The following GREB1 variants were observed in gnomAD, a reference collection of about 807,000 sequenced individuals.
GREB1 encodes the protein growth regulating estrogen receptor binding 1.
GREB1 carries 106 observed loss-of-function variants against 200.7 expected under a neutral mutation model. That is an observed-to-expected ratio of 0.53 (90% CI 0.45 to 0.62). The LOEUF (loss-of-function observed/expected upper bound fraction) is 0.62, where lower values mean the gene tolerates loss of function less well. GREB1 is among the 20% of genes least tolerant of loss of function. The pLI is 0.00. For synonymous variants in GREB1, 1,132 were observed against 1,092.4 expected, an observed-to-expected ratio of 1.04 and a Z score of -0.72; for missense variants, 2,243 against 2,556.8, an observed-to-expected ratio of 0.88 and a Z score of 2.65.
chr2:11,635,397 A>G lies in GREB1; in HGVS notation c.5338A>G (p.Thr1780Ala). 6.2e-7 allele frequency: 1 copy of G among 1,609,524 alleles called. No individual in the cohort carries two copies. Among genetic ancestry groups the G allele is most frequent in the South Asian group, 1.1e-5 (1 of 90,132 alleles). ...GGGCGGCCACAGGTCCTTCCACATC[A>G]CATCCAAGGTGAGCTCCTCGCTGCT... ...VVGGHRSFHI[T>A]SKVSDNSAAV... The change falls in exon 30 of 33, where the codon ACA becomes GCA. Residue 1780 changes from threonine (T) to alanine (A), a missense_variant. Thr to Ala is a moderately conservative substitution (Grantham distance 58). Coordinates refer to ENST00000381486, the MANE Select transcript of GREB1 (RefSeq NM_014668.4).
intron 1 of GREB1, among the ~76,000 whole-genome samples, chr2:11,512,240 A>G (rs1285749559): frequency 6.6e-6 from 1 of 152,246 alleles, no homozygotes. Context: ...TTCATTTTAA[A>G]AAGTTGACCA....
In GREB1 at chr2:11,634,145, C is replaced by T. The variant is rs1226250285; in HGVS notation, c.5006C>T (p.Ser1669Leu). ...AGERSREFSWSERNVSLKHIM... is the reference protein window; with the variant it reads ...AGERSREFSWLERNVSLKHIM... ...CCTTGGAGCAGGGAGTTCTCCTGGT[C>T]GGAAAGGAACGTGTCTTTGAAGCAC... Residue 1669 changes from serine to leucine, a missense_variant, in exon 29 of 33, where the codon TCG becomes TTG. Ser to Leu is a moderately radical substitution (Grantham distance 145, BLOSUM62 -2). This residue lies in a region of GREB1 where 478 missense variants were observed against 616.3 expected (regional missense o/e 0.78). Transcript: ENST00000381486. 1.2e-5 allele frequency: 20 copies of T among 1,614,006 alleles called. No homozygotes were observed. Among genetic ancestry groups the T allele is most frequent in the African/African-American group, 4.0e-5 (3 of 74,922 alleles).
intron 13 of GREB1, among the ~76,000 whole-genome samples, chr2:11,596,784 G>A (rs1464599037): frequency 2.3e-5 from 3 of 131,298 alleles, no homozygotes; most frequent in Non-Finnish European, 4.9e-5. Flanking sequence ...AGGGGGGTGG[G>A]GCACTGGTGT....
intron 1 of GREB1, among the ~76,000 whole-genome samples, chr2:11,552,974 C>T (rs908058796): frequency 2.1e-5 from 3 of 144,992 alleles, no homozygotes; most frequent in Non-Finnish European, 4.5e-5. Flanking sequence ...CGCGCCACTG[C>T]ACTCCAGCCT....
chr2:11,519,434 T>C (rs1673627182), intron 1 of GREB1, among the ~76,000 whole-genome samples: 1 of 149,352 alleles, frequency 6.7e-6, no homozygotes, highest in Admixed American at 6.7e-5. Flanking sequence ...TCACATCTTA[T>C]GATTACTTGT....
At chr2:11,490,272 C>T (rs560352438) in intron 1 of GREB1, among the ~76,000 whole-genome samples, 16 of 152,202 alleles carry the variant, frequency 1.1e-4, no homozygotes, top group South Asian at 2.1e-4. Context: ...GGCAGATTTG[C>T]CTATTGTGGA....
chr2:11,618,871 C>A lies in GREB1; in HGVS notation c.3996C>A (p.Arg1332=). ...ACTACGGCAACCGGGCCGAGGGCCG[C>A]GTGGACGGCTTCCACCCCCGCAGGC... ...HMDYGNRAEG[R]VDGFHPRRLL... The change falls in exon 22 of 33, where the codon CGC becomes CGA. Residue 1332 remains arginine (R), a synonymous_variant. Coordinates refer to ENST00000381486, the MANE Select transcript of GREB1 (RefSeq NM_014668.4). The A allele has an allele frequency of 6.3e-7, 1 of 1,575,036 alleles. No individual in the cohort carries two copies. The highest frequency in any genetic ancestry group is 1.3e-5 in the African/African-American group (1 of 74,662).
At chr2:11,514,336 G>GT (rs946135087) in intron 1 of GREB1, among the ~76,000 whole-genome samples, 9 of 79,286 alleles carry the variant, frequency 1.1e-4, no homozygotes, top group Non-Finnish European at 2.4e-4. Flanking sequence ...AATCAGTTAT[G>GT]TTCCAAGTTT....
chr2:11,565,087 G>A (rs544442736), intron 3 of GREB1, among the ~76,000 whole-genome samples: 7 of 152,226 alleles, frequency 4.6e-5, no homozygotes, highest in Non-Finnish European at 7.3e-5. Flanking sequence ...AGCTGTGGGT[G>A]GGGGCACAGC....
At chr2:11,599,348 T>C (rs1681556921) in intron 15 of GREB1, among the ~76,000 whole-genome samples, 1 of 148,648 alleles carries the variant, frequency 6.7e-6, no homozygotes, top group East Asian at 2.0e-4. Context: ...TTTTTTTTTT[T>C]CCTTTTTTTG....
chr2:11,623,481 C>T (rs186476660), intron 23 of GREB1, among the ~76,000 whole-genome samples: 7 of 152,184 alleles, frequency 4.6e-5, no homozygotes, highest in Admixed American at 2.6e-4. Context: ...GTGTTGCTGC[C>T]CCTGAAGACC....
At chr2:11,495,075 C>G (rs917283924) in intron 1 of GREB1, among the ~76,000 whole-genome samples, 4 of 152,160 alleles carry the variant, frequency 2.6e-5, no homozygotes, top group African/African-American at 4.8e-5. Context: ...CCCCCGGTGA[C>G]ATTGATTGGT....
intron 1 of GREB1, among the ~76,000 whole-genome samples, chr2:11,503,602 C>T (rs1034766391): frequency 6.6e-6 from 1 of 152,140 alleles, no homozygotes; most frequent in Admixed American, 6.5e-5. Context: ...GCTAGCGTGG[C>T]CAGACTAATT....
At chr2:11,553,049 T>TG (rs1394836209) in intron 1 of GREB1, among the ~76,000 whole-genome samples, 2 of 151,770 alleles carry the variant, frequency 1.3e-5, no homozygotes, top group African/African-American at 4.9e-5. Context: ...TGAATACTGT[T>TG]GCAATGCCTC....
chr2:11,500,459 A>ATTT (rs5829310), intron 1 of GREB1, among the ~76,000 whole-genome samples: 20 of 141,622 alleles, frequency 1.4e-4, no homozygotes, highest in African/African-American at 5.2e-4. Context: ...GTGCCTGGCC[A>ATTT]TTTTTTTTTT....
At chr2:11,635,514 T>C in intron 30 of GREB1, 109 bp downstream of exon 30, 11 of 1,303,208 alleles carry the variant, frequency 8.4e-6, no homozygotes, top group Non-Finnish European at 1.0e-5. Context: ...TTCAAGCGCA[T>C]GGGGCAGGGC....
At chr2:11,593,709 TC>T (rs1299587252) in intron 11 of GREB1, among the ~76,000 whole-genome samples, 1 of 152,138 alleles carries the variant, frequency 6.6e-6, no homozygotes, top group Non-Finnish European at 1.5e-5. Context: ...GCTCAAGTGA[TC>T]CACCTGCCTA....
At position 11,592,851 on chromosome 2, in the gene GREB1, A is replaced by C; in HGVS notation, c.1421A>C (p.Glu474Ala). ...LRSWRESHLT[E>A]IRQYQQAPPQ... ...TCTTGGCGCGAGTCGCACCTGACCG[A>C]GATCCGGCAGTACCAGCAGGCGCCG... is the stretch of plus-strand genomic sequence containing the variant. Residue 474 changes from glutamate to alanine, a missense_variant, in exon 11 of 33, where the codon GAG becomes GCG. Glu to Ala is a moderately radical substitution (Grantham distance 107). This residue lies in a region of GREB1 where 1,178 missense variants were observed against 1,387.4 expected (regional missense o/e 0.85). Coordinates refer to ENST00000381486, the MANE Select transcript of GREB1 (RefSeq NM_014668.4). 1 of 1,599,390 alleles carries C rather than the reference A, an allele frequency of 6.3e-7. No individual in the cohort carries two copies. Among genetic ancestry groups the C allele is most frequent in the Non-Finnish European group, 8.5e-7 (1 of 1,175,368 alleles).
chr2:11,628,032 G>A (rs1684604540), intron 25 of GREB1, among the ~76,000 whole-genome samples: 1 of 152,164 alleles, frequency 6.6e-6, no homozygotes, highest in African/African-American at 2.4e-5. Context: ...ACTTTGGGGT[G>A]GGTACACTCA....
Sources: allele counts gnomAD v4.1 joint callset (sites outside exome capture counted in the v4.1 genomes callset), GRCh38; gene constraint gnomAD v4.1.1; regional missense constraint gnomAD v4.1.1; transcripts MANE v1.5; gene names NCBI Gene and HGNC (gene_info 2026-07-23, HGNC 2026-07-21).